Variants in ELP4 observed in about 807,000 individuals in gnomAD.
The protein encoded by ELP4 is elongator complex protein 4.
In ELP4, 51 loss-of-function variants were observed where a neutral mutation model predicts 48.9. The ratio of observed to expected loss-of-function variants is 1.04; its 90% confidence interval spans 0.83 to 1.32. The LOEUF (loss-of-function observed/expected upper bound fraction) is 1.32, where lower values mean the gene tolerates loss of function less well. ELP4 is among the 40% of genes most tolerant of loss of function. The probability of loss-of-function intolerance (pLI) is 0.00; values close to 1 mark genes in which losing one functional copy is unlikely to be tolerated. For synonymous variants in ELP4, 210 were observed against 189.2 expected, an observed-to-expected ratio of 1.11 and a Z score of -0.90; for missense variants, 519 against 514.6, an observed-to-expected ratio of 1.01 and a Z score of -0.08.
At chr11:31,563,880 T>A (rs980193510) in intron 3 of ELP4, among the ~76,000 whole-genome samples, 3 of 152,218 alleles carry the variant, frequency 2.0e-5, no homozygotes, top group African/African-American at 7.2e-5. Flanking sequence ...GTTTGTGCTC[T>A]GGGTTAGAAA....
intron 9 of ELP4, among the ~76,000 whole-genome samples, chr11:31,704,715 C>T (rs977306789): frequency 6.6e-6 from 1 of 151,886 alleles, no homozygotes; most frequent in Non-Finnish European, 1.5e-5. Context: ...TTGTTTATGA[C>T]TTAAAGATTA....
chr11:31,704,763 C>T (rs1946595560), intron 9 of ELP4, among the ~76,000 whole-genome samples: 1 of 152,008 alleles, frequency 6.6e-6, no homozygotes, highest in Non-Finnish European at 1.5e-5. Context: ...TGTAATCCAG[C>T]ATTTTGGGAG....
At chr11:31,646,696 A>G (rs889060586) in intron 7 of ELP4, 6 of 151,704 alleles carry the variant, frequency 4.0e-5, no homozygotes, top group Admixed American at 6.6e-5. Flanking sequence ...ACTGGTGGGC[A>G]TTACCATTGT....
chr11:31,784,772 C>T lies in ELP4; in HGVS notation c.*1248C>T, dbSNP rs572180398. The T allele has an allele frequency of 5.9e-6, 1 of 170,442 alleles. No homozygotes were observed. The highest frequency in any genetic ancestry group is 2.0e-4 in the South Asian group (1 of 4,996). 10.6% of individuals were successfully genotyped at this position (170,442 alleles called of 1,614,324 possible). On this transcript the variant is annotated 3_prime_UTR_variant, in exon 10 of 10. Transcript: ENST00000640961. Reference sequence around the variant, plus strand: ...GATGAATGTCAGTCACTTAAAAAAACCCACTGTAGCATAAACACATACTGT... The same window carrying T: ...GATGAATGTCAGTCACTTAAAAAAATCCACTGTAGCATAAACACATACTGT...
intron 9 of ELP4, among the ~76,000 whole-genome samples, chr11:31,745,570 C>T (rs1406199981): frequency 1.3e-5 from 2 of 152,066 alleles, no homozygotes; most frequent in African/African-American, 4.8e-5. Flanking sequence ...AGAACAGAGC[C>T]CTCAGAAATA....
In ELP4 at chr11:31,547,768, C is replaced by A. The variant is rs182604031; in HGVS notation, c.381+7985C>A. ...TACTGGCAAACCGAATCCAGCAGCA[C>A]ATCAAAAAGCTTATCCACCACGATC... On this transcript the variant is annotated intron_variant, in intron 3 of 9. Transcript: ENST00000640961. Among the ~76,000 whole-genome samples the A allele has an allele frequency of 2.2e-3, 336 of 152,308 alleles. 1 individual carries two copies. The highest frequency in any genetic ancestry group is 6.0e-3 in the South Asian group (29 of 4,818).
chr11:31,539,212 C>A (rs747213926), intron 2 of ELP4, among the ~76,000 whole-genome samples: 1 of 152,148 alleles, frequency 6.6e-6, no homozygotes, highest in Admixed American at 6.5e-5. Context: ...CGCCTGTAAT[C>A]CCAGCACTTT....
chr11:31,549,607 T>C (rs1956803644), intron 3 of ELP4, among the ~76,000 whole-genome samples: 1 of 151,838 alleles, frequency 6.6e-6, no homozygotes, highest in Non-Finnish European at 1.5e-5. Context: ...GAACTAGAAA[T>C]ACCATTTGAC....
chr11:31,658,696 G>GT (rs1313011724), intron 9 of ELP4, among the ~76,000 whole-genome samples: 1 of 151,672 alleles, frequency 6.6e-6, no homozygotes, highest in African/African-American at 2.4e-5. Context: ...TAATCAACCT[G>GT]TTTTTGTATT....
At chr11:31,624,560 G>A (rs1944699877) in intron 5 of ELP4, among the ~76,000 whole-genome samples, 1 of 151,338 alleles carries the variant, frequency 6.6e-6, no homozygotes, top group African/African-American at 2.4e-5. Context: ...ACATACTACT[G>A]GATACTACTG....
In ELP4 at chr11:31,632,323, C is replaced by G. The variant is rs1346004538; in HGVS notation, c.845C>G (p.Thr282Ser). 1.9e-6 allele frequency: 3 copies of G among 1,613,300 alleles called. No individual in the cohort carries two copies. Among genetic ancestry groups the G allele is most frequent in the Non-Finnish European group, 2.5e-6 (3 of 1,179,668 alleles). ...AATGGTGGCAACAGTCACAGCCTTA[C>G]CAAGTTCCTCTATGTTCTCCGTGGT... ...AENGGNSHSL[T>S]KFLYVLRGLL... The change falls in exon 7 of 10, where the codon ACC becomes AGC. Residue 282 changes from threonine to serine, a missense_variant. Thr to Ser is a moderately conservative substitution (Grantham distance 58). Transcript: ENST00000640961.
intron 2 of ELP4, among the ~76,000 whole-genome samples, chr11:31,523,399 T>G (rs1046275591): frequency 1.3e-5 from 2 of 152,222 alleles, no homozygotes; most frequent in African/African-American, 4.8e-5. Flanking sequence ...CATTTTACTA[T>G]AGATTTCCAA....
At chr11:31,666,667 G>A (rs1945686174) in intron 9 of ELP4, among the ~76,000 whole-genome samples, 1 of 146,976 alleles carries the variant, frequency 6.8e-6, no homozygotes. Context: ...ACTCCAGCCT[G>A]GACGACAGAG....
At chr11:31,631,929 C>T (rs140340303) in intron 6 of ELP4, among the ~76,000 whole-genome samples, 1 of 152,052 alleles carries the variant, frequency 6.6e-6, no homozygotes, top group African/African-American at 2.4e-5. Context: ...ATTTTAAGTG[C>T]ATTAAATATA....
chr11:31,770,811 G>A (rs1948125827), intron 9 of ELP4, among the ~76,000 whole-genome samples: 2 of 117,768 alleles, frequency 1.7e-5, no homozygotes, highest in Non-Finnish European at 3.2e-5. Flanking sequence ...GCTGAGGCAG[G>A]ACAGAGTGAG....
intron 9 of ELP4, among the ~76,000 whole-genome samples, chr11:31,742,034 C>T (rs568309912): frequency 2.2e-4 from 34 of 152,202 alleles, no homozygotes; most frequent in African/African-American, 7.0e-4. Context: ...GACTAACCAA[C>T]GCAGAAAAGT....
intron 5 of ELP4, among the ~76,000 whole-genome samples, chr11:31,624,650 A>G (rs1944701261): frequency 6.6e-6 from 1 of 151,816 alleles, no homozygotes; most frequent in Non-Finnish European, 1.5e-5. Context: ...AATTCACCTT[A>G]GCTTCTGTAA....
chr11:31,741,938 A>C (rs2134221200), intron 9 of ELP4, among the ~76,000 whole-genome samples: 1 of 152,322 alleles, frequency 6.6e-6, no homozygotes, highest in Middle Eastern at 3.4e-3. Flanking sequence ...TCAGACGATC[A>C]AACTACTCCG....
chr11:31,574,491 T>A (rs1259288500), intron 3 of ELP4, among the ~76,000 whole-genome samples: 1 of 152,234 alleles, frequency 6.6e-6, no homozygotes, highest in East Asian at 1.9e-4. Flanking sequence ...CCTCCTCAAC[T>A]GGGTCCCTGA....
Sources: allele counts gnomAD v4.1 joint callset (sites outside exome capture counted in the v4.1 genomes callset), GRCh38; gene constraint gnomAD v4.1.1; transcripts MANE v1.5; gene names NCBI Gene and HGNC (gene_info 2026-07-23, HGNC 2026-07-21).